MVB12B: variants seen among roughly 807,000 people sequenced by gnomAD.
MVB12B encodes multivesicular body subunit 12B.
In MVB12B, 16 loss-of-function variants were observed where a neutral mutation model predicts 41.6. That is an observed-to-expected ratio of 0.38 (90% CI 0.26 to 0.58). The LOEUF (loss-of-function observed/expected upper bound fraction) is 0.58, where lower values mean the gene tolerates loss of function less well. Among genes scored for constraint, MVB12B ranks in the 20% least tolerant of loss-of-function variants. The pLI, the probability that MVB12B is intolerant of heterozygous loss-of-function variation, is 0.62. For synonymous variants in MVB12B, 133 were observed against 139.7 expected (o/e 0.95, Z 0.34); for missense variants, 274 against 380.2 (o/e 0.72, Z 2.32).
At chr9:126,453,160 AT>A (rs1277242917) in intron 7 of MVB12B, among the ~76,000 whole-genome samples, 1 of 152,186 alleles carries the variant, frequency 6.6e-6, no homozygotes, top group Non-Finnish European at 1.5e-5. Context: ...TGTGAGAAAG[AT>A]AAAATCCCTA....
chr9:126,326,965 CCCGCCGCCGCCGCAGCCACCG>C lies in MVB12B; in HGVS notation c.48_68del (p.Pro18_Gln24del). The C allele has an allele frequency of 1.9e-5, 5 of 264,270 alleles. No homozygotes were observed. Among genetic ancestry groups the C allele is most frequent in the Admixed American group, 4.4e-5 (1 of 22,620 alleles). 16.4% of individuals were successfully genotyped at this position (264,270 alleles called of 1,614,324 possible). ...GCTTCTGCGTGAGACGGAGCCGGGA[CCCGCCGCCGCCGCAGCCACCG>C]CCGCCGCCGCCCCAGCGGGGAACAG... is the stretch of plus-strand genomic sequence containing the variant. On this transcript the variant is annotated inframe_deletion, in exon 1 of 10. Transcript: ENST00000361171.
intron 2 of MVB12B, among the ~76,000 whole-genome samples, chr9:126,351,835 G>A (rs543045721): frequency 1.3e-5 from 2 of 152,194 alleles, no homozygotes; most frequent in South Asian, 4.2e-4. Flanking sequence ...TGTTTTGGTA[G>A]GTACTGTTTA....
chr9:126,350,534 C>T lies in MVB12B; in HGVS notation c.204+9904C>T, dbSNP rs566208439. ...GGCTGGGAAGTCCAAGTTCAAGAGGCACATCTGGTGAGGGCCTTCTTGCTT... is the reference window on the plus strand; with the variant it reads ...GGCTGGGAAGTCCAAGTTCAAGAGGTACATCTGGTGAGGGCCTTCTTGCTT... On this transcript the variant is annotated intron_variant, in intron 2 of 9. Coordinates refer to ENST00000361171, the MANE Select transcript of MVB12B (RefSeq NM_033446.3). Among the ~76,000 whole-genome samples, 11 of 152,336 alleles carry T rather than the reference C, an allele frequency of 7.2e-5. No individual in the cohort carries two copies. In the East Asian group the frequency reaches 1.9e-3, roughly 27 times the overall value.
In MVB12B at chr9:126,333,364, C is replaced by T. The variant is rs1280998330; in HGVS notation, c.81+6354C>T. Among the ~76,000 whole-genome samples the T allele has an allele frequency of 1.3e-5, 2 of 151,766 alleles. No individual in the cohort carries two copies. The highest frequency in any genetic ancestry group is 4.8e-5 in the African/African-American group (2 of 41,258). ...ACTCCCAAGGTGCTGGGATTACAGG[C>T]GTGAGCCACTGCGCCTGGCCATGAC... On this transcript the variant is annotated intron_variant, in intron 1 of 9. Transcript: ENST00000361171. The surrounding 1 kb of genome is among the most constrained non-coding windows in gnomAD (Gnocchi z 4.7).
chr9:126,332,119 G>C, intron 1 of MVB12B, among the ~76,000 whole-genome samples: 1 of 152,150 alleles, frequency 6.6e-6, no homozygotes, highest in Middle Eastern at 3.4e-3. Context: ...TTCACACCAC[G>C]GTGCCTTTGT....
chr9:126,332,851 G>A (rs1829166872), intron 1 of MVB12B, among the ~76,000 whole-genome samples: 1 of 152,194 alleles, frequency 6.6e-6, no homozygotes, highest in Non-Finnish European at 1.5e-5. Context: ...CATAAGCTGG[G>A]CATTGTGGTG....
chr9:126,382,347 T>C (rs1830661847), intron 3 of MVB12B, among the ~76,000 whole-genome samples: 1 of 152,340 alleles, frequency 6.6e-6, no homozygotes, highest in African/African-American at 2.4e-5. Context: ...TCTGAACATA[T>C]ACAGGACTGG....
At chr9:126,465,164 T>C (rs1833172993) in intron 7 of MVB12B, among the ~76,000 whole-genome samples, 1 of 152,218 alleles carries the variant, frequency 6.6e-6, no homozygotes, top group African/African-American at 2.4e-5. Flanking sequence ...GTGAGATTTA[T>C]ACATTGCATC....
At chr9:126,442,370 T>C in intron 7 of MVB12B, among the ~76,000 whole-genome samples, 1 of 152,212 alleles carries the variant, frequency 6.6e-6, no homozygotes, top group Middle Eastern at 3.2e-3. Flanking sequence ...GGGTGGATTT[T>C]AGAGTAGACA....
intron 9 of MVB12B, among the ~76,000 whole-genome samples, chr9:126,501,938 C>G (rs968796152): frequency 6.6e-6 from 1 of 151,976 alleles, no homozygotes; most frequent in Non-Finnish European, 1.5e-5. Flanking sequence ...CCTGCTGGGG[C>G]GATGTGACCC....
chr9:126,387,722 T>C (rs1002292129), intron 4 of MVB12B, among the ~76,000 whole-genome samples: 3 of 152,256 alleles, frequency 2.0e-5, no homozygotes, highest in African/African-American at 4.8e-5. Context: ...ATTTACTGTA[T>C]GTTCACCCCT....
intron 5 of MVB12B, among the ~76,000 whole-genome samples, chr9:126,394,107 C>T (rs1471139045): frequency 2.0e-5 from 3 of 152,222 alleles, no homozygotes; most frequent in Non-Finnish European, 4.4e-5. Flanking sequence ...TGATCATTCC[C>T]TTCCTACACA....
chr9:126,331,334 T>C (rs535374298), intron 1 of MVB12B, among the ~76,000 whole-genome samples: 28 of 152,338 alleles, frequency 1.8e-4, no homozygotes, highest in African/African-American at 6.3e-4. Flanking sequence ...TAAGGTGAGA[T>C]GTCATTTGGA....
chr9:126,378,849 G>C (rs754363634), intron 2 of MVB12B, among the ~76,000 whole-genome samples: 2 of 152,072 alleles, frequency 1.3e-5, no homozygotes, highest in African/African-American at 4.8e-5. Flanking sequence ...TCACGTTGCC[G>C]GCTTCTCCCA....
rs191081289 is a variant in MVB12B at position 126,349,737 on chromosome 9, A to G, written c.204+9107A>G. 2.0e-5 allele frequency among the ~76,000 whole-genome samples: 3 copies of G among 152,288 alleles called. No individual in the cohort carries two copies. In the South Asian group the frequency reaches 6.2e-4, roughly 32 times the overall value. On this transcript the variant is annotated intron_variant, in intron 2 of 9. Coordinates refer to ENST00000361171, the MANE Select transcript of MVB12B (RefSeq NM_033446.3). ...TATTCCATGGTTTGGATATCCCACA[A>G]TTTGTTTAACCATTTACCCATTGAA...
chr9:126,334,678 A>C (rs894063555), intron 1 of MVB12B, among the ~76,000 whole-genome samples: 1 of 152,158 alleles, frequency 6.6e-6, no homozygotes, highest in Non-Finnish European at 1.5e-5. Context: ...ACAGGGGACA[A>C]TATGGCACCA....
chr9:126,383,006 A>T (rs1388054417), intron 3 of MVB12B, among the ~76,000 whole-genome samples: 1 of 152,200 alleles, frequency 6.6e-6, no homozygotes, highest in Non-Finnish European at 1.5e-5. Flanking sequence ...GCAGAGTAGG[A>T]GATAGGTGCG....
intron 7 of MVB12B, among the ~76,000 whole-genome samples, chr9:126,474,990 A>G (rs139251208): frequency 3.8e-4 from 58 of 152,256 alleles, no homozygotes; most frequent in Middle Eastern, 3.4e-3. Context: ...CTGTAACCTT[A>G]TGATGCTCCG....
chr9:126,390,943 C>T, intron 4 of MVB12B, among the ~76,000 whole-genome samples: 1 of 144,376 alleles, frequency 6.9e-6, no homozygotes, highest in East Asian at 2.0e-4. Flanking sequence ...CAGAGTGAGA[C>T]TCCATCTCAA....
Sources: allele counts gnomAD v4.1 joint callset (sites outside exome capture counted in the v4.1 genomes callset), GRCh38; gene constraint gnomAD v4.1.1; non-coding constraint Gnocchi (gnomAD v3.1); transcripts MANE v1.5; gene names NCBI Gene and HGNC (gene_info 2026-07-23, HGNC 2026-07-21).